Variants in EYS observed in about 807,000 individuals in gnomAD.
EYS encodes the protein protein eyes shut homolog.
A neutral mutation model predicts 282.1 loss-of-function variants in EYS; 250 were observed. The ratio of observed to expected loss-of-function variants is 0.89; its 90% CI spans 0.80 to 0.98. The LOEUF is 0.98. Ranked by LOEUF, EYS falls within the 50% of genes least tolerant of loss-of-function variation. The probability of loss-of-function intolerance (pLI) is 0.00; values close to 1 mark genes in which losing one functional copy is unlikely to be tolerated. For synonymous variants in EYS, 1,355 were observed against 1,282.9 expected (o/e 1.06, Z -1.20); for missense variants, 4,016 against 3,709.0 (o/e 1.08, Z -2.15).
intron 11 of EYS, among the ~76,000 whole-genome samples, chr6:65,316,530 T>C (rs1181587124): frequency 6.6e-6 from 1 of 150,578 alleles, no homozygotes; most frequent in Non-Finnish European, 1.5e-5. Context: ...GTGTAGAACA[T>C]ACAGGTTTGT....
At chr6:65,565,527 G>A (rs1769246631) in intron 2 of EYS, among the ~76,000 whole-genome samples, 2 of 152,040 alleles carry the variant, frequency 1.3e-5, no homozygotes, top group Non-Finnish European at 2.9e-5. Context: ...AACCATTGTG[G>A]AAGACAGTGT....
chr6:63,879,234 T>C (rs915918179), intron 35 of EYS, among the ~76,000 whole-genome samples: 1 of 152,218 alleles, frequency 6.6e-6, no homozygotes, highest in East Asian at 1.9e-4. Flanking sequence ...AGTTCATTTA[T>C]AGGCATATAT....
intron 18 of EYS, among the ~76,000 whole-genome samples, chr6:64,898,837 A>C (rs1767558873): frequency 6.6e-6 from 1 of 151,830 alleles, no homozygotes; most frequent in Non-Finnish European, 1.5e-5. Context: ...GACATTAACC[A>C]ACAAAAATCA....
chr6:63,995,563 A>G (rs1184847187), intron 34 of EYS, among the ~76,000 whole-genome samples: 1 of 152,046 alleles, frequency 6.6e-6, no homozygotes, highest in Non-Finnish European at 1.5e-5. Flanking sequence ...TTTATCCAAA[A>G]GAACTGGAAA....
intron 12 of EYS, among the ~76,000 whole-genome samples, chr6:65,283,065 A>G (rs1217059164): frequency 3.9e-5 from 6 of 152,010 alleles, no homozygotes; most frequent in Non-Finnish European, 7.4e-5. Flanking sequence ...TGCAAAATGC[A>G]TAATTTAAAA....
chr6:64,945,668 C>A, intron 15 of EYS, 125 bp downstream of exon 15: 1 of 822,304 alleles, frequency 1.2e-6, no homozygotes, highest in Non-Finnish European at 1.8e-6. Flanking sequence ...CAGTAAATGG[C>A]TCTTCATTGC....
At chr6:65,066,896 G>GACTGGTCATTTAAATGTGATATGTA (rs1335774480) in intron 12 of EYS, among the ~76,000 whole-genome samples, 11 of 152,058 alleles carry the variant, frequency 7.2e-5, no homozygotes, top group African/African-American at 2.7e-4. Context: ...TATCAAATGG[G>GACTGGTCATTTAAATGTGATATGTA]ACTGGTCATT....
intron 36 of EYS, among the ~76,000 whole-genome samples, chr6:63,849,960 A>C (rs1024993961): frequency 6.6e-6 from 1 of 152,220 alleles, no homozygotes. Flanking sequence ...AACTAGAATA[A>C]CTAGTTTAGA....
chr6:65,537,555 A>AAGAG (rs3049760), intron 2 of EYS, among the ~76,000 whole-genome samples: 121,171 of 151,336 alleles, frequency 0.8, 49,245 homozygotes, highest in East Asian at 1. Context: ...CAGAGAGAGA[A>AAGAG]AGAGAGAGAG....
At chr6:63,912,409 C>A (rs1481987370) in intron 35 of EYS, among the ~76,000 whole-genome samples, 1 of 152,066 alleles carries the variant, frequency 6.6e-6, no homozygotes, top group Non-Finnish European at 1.5e-5. Context: ...ATAATATATT[C>A]TTTTTAACCC....
At chr6:63,941,192 T>C (rs916914382) in intron 35 of EYS, among the ~76,000 whole-genome samples, 2 of 152,186 alleles carry the variant, frequency 1.3e-5, no homozygotes, top group African/African-American at 4.8e-5. Flanking sequence ...CCTTTGGGTA[T>C]ATACCCAGTA....
chr6:63,792,944 G>C (rs1360823822), intron 37 of EYS, among the ~76,000 whole-genome samples: 3 of 152,198 alleles, frequency 2.0e-5, no homozygotes, highest in African/African-American at 7.2e-5. Flanking sequence ...CAATATGCAT[G>C]TTTGCTCTTT....
At chr6:65,290,485 T>C (rs1299454593) in intron 12 of EYS, among the ~76,000 whole-genome samples, 1 of 151,284 alleles carries the variant, frequency 6.6e-6, no homozygotes, top group Non-Finnish European at 1.5e-5. Flanking sequence ...ATGACAATTA[T>C]ACTTTTAAAT....
At chr6:64,299,381 C>A (rs1582559405) in intron 30 of EYS, among the ~76,000 whole-genome samples, 1 of 152,342 alleles carries the variant, frequency 6.6e-6, no homozygotes, top group South Asian at 2.1e-4. Flanking sequence ...GGCACAGCCC[C>A]CTGGCCTACT....
chr6:64,640,287 C>T (rs981019241), intron 22 of EYS, among the ~76,000 whole-genome samples: 88 of 149,254 alleles, frequency 5.9e-4, no homozygotes, highest in African/African-American at 1.8e-3. Context: ...TATTGCGGCA[C>T]TATTCACAAT....
chr6:64,253,641 C>A (rs1767295174), intron 30 of EYS, among the ~76,000 whole-genome samples: 1 of 152,092 alleles, frequency 6.6e-6, no homozygotes, highest in Admixed American at 6.6e-5. Context: ...TGACACCTGG[C>A]CCTCACATGC....
At chr6:64,896,223 A>G (rs1411056124) in intron 18 of EYS, among the ~76,000 whole-genome samples, 1 of 152,078 alleles carries the variant, frequency 6.6e-6, no homozygotes, top group Non-Finnish European at 1.5e-5. Flanking sequence ...TGCATTTCCA[A>G]CTGAGGTACC....
chr6:64,879,804 G>A (rs958452585), intron 19 of EYS, among the ~76,000 whole-genome samples: 3 of 151,978 alleles, frequency 2.0e-5, no homozygotes, highest in Non-Finnish European at 2.9e-5. Flanking sequence ...TAGGGGGATA[G>A]GGATAAGCTA....
At chr6:64,978,538 T>C (rs1207003066) in intron 14 of EYS, among the ~76,000 whole-genome samples, 1 of 151,974 alleles carries the variant, frequency 6.6e-6, no homozygotes, top group Non-Finnish European at 1.5e-5. Context: ...AGCCCATGAA[T>C]GAAAGAGTAA....
Sources: gnomAD v4.1 joint callset for allele counts (sites outside exome capture counted in the v4.1 genomes callset) on GRCh38, gnomAD v4.1.1 for gene constraint, MANE v1.5 for transcripts, NCBI Gene and HGNC (gene_info 2026-07-23, HGNC 2026-07-21) for gene names.